RBMS3: variants seen among roughly 807,000 people sequenced by gnomAD.
The protein encoded by RBMS3 is RNA-binding motif, single-stranded-interacting protein 3.
In RBMS3, 27 loss-of-function variants were observed where a neutral mutation model predicts 66.8. The observed-to-expected ratio is 0.40, with a 90% CI of 0.30 to 0.56. The LOEUF (loss-of-function observed/expected upper bound fraction) is 0.56. Among genes scored for constraint, RBMS3 ranks in the 20% least tolerant of loss-of-function variants. The pLI is 0.40. For synonymous variants in RBMS3, 188 were observed against 183.0 expected (o/e 1.03, Z -0.22); for missense variants, 513 against 549.5 (o/e 0.93, Z 0.66).
intron 7 of RBMS3, among the ~76,000 whole-genome samples, chr3:29,883,478 T>C (rs2149577999): frequency 6.6e-6 from 1 of 152,214 alleles, no homozygotes; most frequent in South Asian, 2.1e-4. Flanking sequence ...TCAGCACTCA[T>C]GAAGTTTATA....
chr3:29,635,000 C>T (rs1281858853), intron 4 of RBMS3, among the ~76,000 whole-genome samples: 1 of 151,928 alleles, frequency 6.6e-6, no homozygotes, highest in African/African-American at 2.4e-5. Flanking sequence ...CTACTTCTCA[C>T]TTGTATAATT....
At chr3:29,568,773 A>G (rs1403189209) in intron 3 of RBMS3, among the ~76,000 whole-genome samples, 1 of 152,158 alleles carries the variant, frequency 6.6e-6, no homozygotes, top group Non-Finnish European at 1.5e-5. Context: ...ACTCCCTAAT[A>G]TTAGAATTGT....
chr3:29,405,960 C>T (rs1325267319), intron 1 of RBMS3, among the ~76,000 whole-genome samples: 1 of 152,196 alleles, frequency 6.6e-6, no homozygotes, highest in African/African-American at 2.4e-5. Context: ...ACTGAACCCA[C>T]ACATGATTTT....
chr3:29,487,602 G>A (rs2043371872), intron 2 of RBMS3, among the ~76,000 whole-genome samples: 1 of 152,038 alleles, frequency 6.6e-6, no homozygotes, highest in African/African-American at 2.4e-5. Context: ...AGCAGGGAGA[G>A]CATCATTGGA....
intron 8 of RBMS3, among the ~76,000 whole-genome samples, chr3:29,891,484 T>C (rs904528138): frequency 6.6e-6 from 1 of 151,644 alleles, no homozygotes; most frequent in African/African-American, 2.4e-5. Context: ...CTTAGAGCTA[T>C]GTGGTAAAAC....
intron 4 of RBMS3, among the ~76,000 whole-genome samples, chr3:29,681,628 G>C (rs2149260889): frequency 6.6e-6 from 1 of 152,112 alleles, no homozygotes; most frequent in East Asian, 1.9e-4. Flanking sequence ...TCCCGCGTTA[G>C]TTTGCTGAGG....
intron 6 of RBMS3, among the ~76,000 whole-genome samples, chr3:29,802,694 A>C (rs2057427165): frequency 6.6e-6 from 1 of 152,172 alleles, no homozygotes; most frequent in African/African-American, 2.4e-5. Flanking sequence ...AAAGCCTTGC[A>C]TGTCAATATC....
At chr3:29,898,017 A>G (rs964428974) in intron 9 of RBMS3, among the ~76,000 whole-genome samples, 2 of 151,622 alleles carry the variant, frequency 1.3e-5, no homozygotes, top group African/African-American at 4.8e-5. Context: ...GAGAGACCAA[A>G]AGAGACCTCA....
intron 12 of RBMS3, among the ~76,000 whole-genome samples, chr3:29,979,402 G>A (rs1697825004): frequency 6.6e-6 from 1 of 152,068 alleles, no homozygotes; most frequent in Admixed American, 6.6e-5. Context: ...AAATGCAGAT[G>A]GAGTTTTAAA....
rs779555263 is a variant in RBMS3 at position 29,497,973 on chromosome 3, A to ATTTTTTTTT, written c.307+9503_307+9511dup. ...TCAGAGTTATTCTCTAAAAGTATTC[A>ATTTTTTTTT]TTTTTTTTTTTTTTTTTTTTTTTTT... is the stretch of plus-strand genomic sequence containing the variant. On this transcript the variant is annotated intron_variant, in intron 3 of 14. Coordinates refer to ENST00000383767, the MANE Select transcript of RBMS3 (RefSeq NM_001003793.3). Among the ~76,000 whole-genome samples the ATTTTTTTTT allele has an allele frequency of 4.7e-3, 202 of 43,436 alleles. 64 individuals are homozygous for ATTTTTTTTT. The highest frequency in any genetic ancestry group is 5.5e-3 in the Non-Finnish European group (135 of 24,406). The allele number at this position is 43,436 out of a possible 152,430, so 28.5% of individuals were successfully genotyped here.
Position 29,580,532 on chromosome 3 carries a change from A to C in RBMS3, c.308-6582A>C, listed in dbSNP as rs555802333. 3.3e-5 allele frequency among the ~76,000 whole-genome samples: 5 copies of C among 152,204 alleles called. No individual in the cohort carries two copies. The East Asian group carries it at 9.6e-4, about 29-fold the overall frequency. ...AGATAACTGTGTCTATATGCCATTT[A>C]AACATAAACTCCACTGCATTTAAAT... On this transcript the variant is annotated intron_variant, in intron 3 of 14. Coordinates refer to ENST00000383767, the MANE Select transcript of RBMS3 (RefSeq NM_001003793.3).
intron 2 of RBMS3, among the ~76,000 whole-genome samples, chr3:29,480,586 T>A (rs1487449499): frequency 6.6e-6 from 1 of 152,190 alleles, no homozygotes; most frequent in Non-Finnish European, 1.5e-5. Flanking sequence ...CTGAATATTT[T>A]TACCAATTAG....
At chr3:29,298,736 G>A (rs1287693955) in intron 1 of RBMS3, among the ~76,000 whole-genome samples, 1 of 151,758 alleles carries the variant, frequency 6.6e-6, no homozygotes, top group Non-Finnish European at 1.5e-5. Flanking sequence ...GTGAAAAAGG[G>A]AAATAAGATT....
chr3:29,325,025 CAA>C (rs57978065), intron 1 of RBMS3, among the ~76,000 whole-genome samples: 5,684 of 152,060 alleles, frequency 0.037, 335 homozygotes, highest in African/African-American at 0.13. Flanking sequence ...TTCTTTGTAA[CAA>C]GAGAATATTG....
intron 1 of RBMS3, among the ~76,000 whole-genome samples, chr3:29,384,133 T>C (rs932621213): frequency 6.6e-6 from 1 of 151,960 alleles, no homozygotes; most frequent in Non-Finnish European, 1.5e-5. Context: ...TGGGGCAACA[T>C]GGTGAAACAG....
intron 8 of RBMS3, among the ~76,000 whole-genome samples, chr3:29,892,614 G>C (rs1019953565): frequency 4.0e-5 from 6 of 151,446 alleles, no homozygotes; most frequent in South Asian, 4.1e-4. Flanking sequence ...TGGTGAAGAA[G>C]TAAACTTTTT....
intron 4 of RBMS3, among the ~76,000 whole-genome samples, chr3:29,675,868 G>T (rs1269159607): frequency 6.6e-6 from 1 of 152,204 alleles, no homozygotes; most frequent in Non-Finnish European, 1.5e-5. Flanking sequence ...ACAGTGTGGT[G>T]ATTCCTCAAG....
rs2049494034 is a variant in RBMS3 at position 29,636,860 on chromosome 3, A to G, written c.399+49655A>G. On this transcript the variant is annotated intron_variant, in intron 4 of 14. Transcript: ENST00000383767. ...GTTAATGAGTAAAGTAACTGGCTGAACAAAGAGTAAAAGATTTATCAGTAT... is the reference window on the plus strand; with the variant it reads ...GTTAATGAGTAAAGTAACTGGCTGAGCAAAGAGTAAAAGATTTATCAGTAT... 2.0e-5 allele frequency among the ~76,000 whole-genome samples: 3 copies of G among 151,928 alleles called. No homozygotes were observed. The South Asian group carries it at 6.2e-4, about 31-fold the overall frequency.
At chr3:29,414,779 A>T (rs754195551) in intron 1 of RBMS3, among the ~76,000 whole-genome samples, 8 of 152,204 alleles carry the variant, frequency 5.3e-5, no homozygotes, top group African/African-American at 9.6e-5. Context: ...AAGGCAAAAT[A>T]TGAGAAAGAC....
Sources: gnomAD v4.1 joint callset for allele counts (sites outside exome capture counted in the v4.1 genomes callset) on GRCh38, gnomAD v4.1.1 for gene constraint, MANE v1.5 for transcripts, NCBI Gene and HGNC (gene_info 2026-07-23, HGNC 2026-07-21) for gene names.